CPEB3: variants seen among roughly 807,000 people sequenced by gnomAD.
CPEB3 encodes cytoplasmic polyadenylation element binding protein 3.
In CPEB3, 20 loss-of-function variants were observed where a neutral mutation model predicts 67.2. That is an observed-to-expected ratio of 0.30 (90% CI 0.21 to 0.43). CPEB3 has a LOEUF of 0.43. Ranked by LOEUF, CPEB3 falls within the 20% of genes least tolerant of loss-of-function variation. The probability of loss-of-function intolerance (pLI) is 1.00; values close to 1 mark genes in which losing one functional copy is unlikely to be tolerated. For synonymous variants in CPEB3, 376 were observed against 393.1 expected, an observed-to-expected ratio of 0.96 and a Z score of 0.51; for missense variants, 746 against 968.6, an observed-to-expected ratio of 0.77 and a Z score of 3.05.
chr10:92,154,623 T>C (rs1292661207), intron 4 of CPEB3, among the ~76,000 whole-genome samples: 1 of 152,194 alleles, frequency 6.6e-6, no homozygotes, highest in Non-Finnish European at 1.5e-5. Context: ...GCATAGATCG[T>C]CCTACTACCA....
intron 1 of CPEB3, among the ~76,000 whole-genome samples, chr10:92,244,873 T>C (rs1450866338): frequency 1.3e-5 from 2 of 152,174 alleles, no homozygotes; most frequent in African/African-American, 4.8e-5. Context: ...AAGAACCGGT[T>C]TGTTCACGTA....
chr10:92,169,617 T>A (rs541029838), intron 4 of CPEB3, among the ~76,000 whole-genome samples: 12 of 152,194 alleles, frequency 7.9e-5, no homozygotes, highest in African/African-American at 2.7e-4. Flanking sequence ...TTCTTGGATG[T>A]TGGCATTCCA....
chr10:92,217,812 A>C (rs1850504937), intron 2 of CPEB3, among the ~76,000 whole-genome samples: 1 of 152,246 alleles, frequency 6.6e-6, no homozygotes, highest in South Asian at 2.1e-4. Flanking sequence ...AAATGATTAT[A>C]AATGACCACT....
chr10:92,240,274 G>GGCTGCT lies in CPEB3; in HGVS notation c.71_76dup (p.Gln24_Gln25dup), dbSNP rs757238722. The GGCTGCT allele has an allele frequency of 1.3e-6, 2 of 1,518,514 alleles. No individual in the cohort carries two copies. Among genetic ancestry groups the GGCTGCT allele is most frequent in the South Asian group, 1.3e-5 (1 of 78,636 alleles). 94.1% of individuals were successfully genotyped at this position (1,518,514 alleles called of 1,614,324 possible). A position where few individuals can be genotyped will look rare whatever the true frequency, so the allele number is the denominator to read the frequency against. On this transcript the variant is annotated inframe_insertion, in exon 2 of 10. Coordinates refer to ENST00000265997, the MANE Select transcript of CPEB3 (RefSeq NM_014912.5). The stretch of plus-strand genomic sequence containing the variant: ...TTCGGATACGCTGGACTCAGGTTGG[G>GGCTGCT]GCTGCTGCTGCTGCCGCTGCTGCTG...
chr10:92,206,663 T>G (rs1849807700), intron 2 of CPEB3, among the ~76,000 whole-genome samples: 1 of 152,206 alleles, frequency 6.6e-6, no homozygotes, highest in Admixed American at 6.5e-5. Context: ...CAATAAATGT[T>G]TCTATGAAAC....
chr10:92,087,191 T>C (rs781160260), intron 8 of CPEB3, among the ~76,000 whole-genome samples: 18 of 152,246 alleles, frequency 1.2e-4, no homozygotes, highest in Non-Finnish European at 2.4e-4. Context: ...TCAGGATATA[T>C]GTTCTCTAGA....
At chr10:92,125,176 C>A (rs921518698) in intron 6 of CPEB3, among the ~76,000 whole-genome samples, 6 of 152,224 alleles carry the variant, frequency 3.9e-5, no homozygotes, top group African/African-American at 1.4e-4. Context: ...CATTAGTGCA[C>A]AAGGGTTTGG....
At chr10:92,261,825 TAAAGATGTGAAA>T (rs569458443) in intron 1 of CPEB3, among the ~76,000 whole-genome samples, 6 of 152,294 alleles carry the variant, frequency 3.9e-5, no homozygotes, top group African/African-American at 7.2e-5. Flanking sequence ...ATCCCCACCT[TAAAGATGTGAAA>T]ATCCAGGCTC....
chr10:92,052,168 C>T lies in CPEB3; in HGVS notation c.*44G>A, dbSNP rs1315743075. On this transcript the variant is annotated 3_prime_UTR_variant, in exon 10 of 10. Coordinates refer to ENST00000265997, the MANE Select transcript of CPEB3 (RefSeq NM_014912.5). ...TGAGGCAGTGCCCTCTCTTTTCCCT[C>T]CTTGTTATCTACTCCAGTACTTGTG... 1 of 1,393,478 alleles carries T rather than the reference C, an allele frequency of 7.2e-7. No homozygotes were observed. Among genetic ancestry groups the T allele is most frequent in the African/African-American group, 1.4e-5 (1 of 70,952 alleles). 86.3% of individuals were successfully genotyped at this position (1,393,478 alleles called of 1,614,324 possible). A position where few individuals can be genotyped will look rare whatever the true frequency, so the allele number is the denominator to read the frequency against.
rs11286697 is a variant in CPEB3 at position 92,099,223 on chromosome 10, CTT to C, written c.1573-7281_1573-7280del. ...AGACATGCAATATGGGTCTTTTCGT[CTT>C]TTTTTTTTTTTTTGAGACAGGGTCT... On this transcript the variant is annotated intron_variant, in intron 7 of 9. Coordinates refer to ENST00000265997, the MANE Select transcript of CPEB3 (RefSeq NM_014912.5). Among the ~76,000 whole-genome samples, 726 of 142,284 alleles carry C rather than the reference CTT, an allele frequency of 5.1e-3. 6 individuals are homozygous for C. The highest frequency in any genetic ancestry group is 0.013 in the African/African-American group (497 of 39,076). 93.3% of individuals were successfully genotyped at this position (142,284 alleles called of 152,430 possible).
rs1289014868 is a variant in CPEB3, at chr10:92,195,540, A to C, written c.1006-2904T>G. Among the ~76,000 whole-genome samples, 3 of 152,208 alleles carry C rather than the reference A, an allele frequency of 2.0e-5. No homozygotes were observed. The East Asian group carries it at 5.8e-4, about 29-fold the overall frequency. On this transcript the variant is annotated intron_variant, in intron 2 of 9. Coordinates refer to ENST00000265997, the MANE Select transcript of CPEB3 (RefSeq NM_014912.5). ...CCAGAGGTAAAGAAGTATGCTGATG[A>C]GGAGGCAAAATGATAACCTATTTCT...
At chr10:92,159,747 G>A (rs1450399746) in intron 4 of CPEB3, among the ~76,000 whole-genome samples, 1 of 152,048 alleles carries the variant, frequency 6.6e-6, no homozygotes, top group Non-Finnish European at 1.5e-5. Flanking sequence ...AGACTTTTCA[G>A]CCGGATAGTT....
rs149726945 is a variant in CPEB3, at chr10:92,265,099, T to C, written c.-11-24738A>G. On this transcript the variant is annotated intron_variant, in intron 1 of 9. Coordinates refer to ENST00000265997, the MANE Select transcript of CPEB3 (RefSeq NM_014912.5). ...ATCACTTGAACCCAGGAGGCGGAGG[T>C]TGCAGTGAGCCGATCCTGACACTGC... Among the ~76,000 whole-genome samples the C allele has an allele frequency of 8.7e-3, 1,300 of 149,814 alleles. 11 individuals are homozygous for C. The highest frequency in any genetic ancestry group is 0.03 in the African/African-American group (1,228 of 40,820).
chr10:92,267,586 A>G (rs1853117651), intron 1 of CPEB3, among the ~76,000 whole-genome samples: 1 of 152,178 alleles, frequency 6.6e-6, no homozygotes, highest in African/African-American at 2.4e-5. Flanking sequence ...CTGTGTGTGA[A>G]GAACAGACTG....
rs1215982191 is a variant in CPEB3, at chr10:92,240,061, G to A, written c.290C>T (p.Ala97Val). The stretch of plus-strand genomic sequence containing the variant: ...CGGCGACAGCGACGCGCCCGGTGCC[G>A]CGGGCTCCTGAGGCGGCGGCGGCTG... ...PQQPPPPQEP[A>V]APGASLSPSF... Residue 97 changes from alanine to valine, a missense_variant, in exon 2 of 10, where the codon GCG becomes GTG. Physicochemically the swap from Ala to Val is moderately conservative, Grantham distance 64. Coordinates refer to ENST00000265997, the MANE Select transcript of CPEB3 (RefSeq NM_014912.5). The A allele has an allele frequency of 1.3e-6, 2 of 1,592,908 alleles. No individual in the cohort carries two copies. The highest frequency in any genetic ancestry group is 1.7e-6 in the Non-Finnish European group (2 of 1,169,568).
At chr10:92,197,834 C>T (rs754716161) in intron 2 of CPEB3, among the ~76,000 whole-genome samples, 4 of 152,178 alleles carry the variant, frequency 2.6e-5, no homozygotes, top group Non-Finnish European at 4.4e-5. Flanking sequence ...AGTCGCTGGG[C>T]GCAGTGGCTC....
chr10:92,178,312 C>T (rs1848315532), intron 4 of CPEB3, among the ~76,000 whole-genome samples: 1 of 152,080 alleles, frequency 6.6e-6, no homozygotes, highest in African/African-American at 2.4e-5. Context: ...GCATGCGCCA[C>T]CACACCCAGC....
In CPEB3 at chr10:92,269,012, G is replaced by A. The variant is rs1590585033; in HGVS notation, c.-12+21914C>T. ...TGCAATTAAGTCCTCAGTTGATTCT[G>A]TGATGAGCTCTGGAACTGGAATGAT... On this transcript the variant is annotated intron_variant, in intron 1 of 9. Transcript: ENST00000265997. Among the ~76,000 whole-genome samples, 3 of 152,188 alleles carry A rather than the reference G, an allele frequency of 2.0e-5. No individual in the cohort carries two copies. The East Asian group carries it at 5.8e-4, about 29-fold the overall frequency.
intron 1 of CPEB3, among the ~76,000 whole-genome samples, chr10:92,288,279 G>A (rs1024506091): frequency 3.9e-5 from 6 of 151,976 alleles, no homozygotes; most frequent in Admixed American, 1.3e-4. Context: ...GGGCAACATG[G>A]CAAAACACCA....
Sources: gnomAD v4.1 joint callset for allele counts (sites outside exome capture counted in the v4.1 genomes callset) on GRCh38, gnomAD v4.1.1 for gene constraint, MANE v1.5 for transcripts, NCBI Gene and HGNC (gene_info 2026-07-23, HGNC 2026-07-21) for gene names.